ZFP91: variants seen among roughly 807,000 people sequenced by gnomAD.
ZFP91 encodes the protein ZFP91 zinc finger protein, atypical E3 ubiquitin ligase, also known as E3 ubiquitin-protein ligase ZFP91.
Under a neutral mutation model 63.5 loss-of-function variants are expected in ZFP91, and 7 were observed. That is an observed-to-expected ratio of 0.11 (90% CI 0.06 to 0.21). The LOEUF (loss-of-function observed/expected upper bound fraction) is 0.21. Among genes scored for constraint, ZFP91 ranks in the 10% least tolerant of loss-of-function variants. ZFP91 has a pLI of 1.00. For missense variants in ZFP91, 628 were observed against 736.6 expected, an observed-to-expected ratio of 0.85 and a Z score of 1.71; for synonymous variants, 330 against 272.1, an observed-to-expected ratio of 1.21 and a Z score of -2.10.
chr11:58,586,985 T>C (rs1855220984), intron 2 of ZFP91, among the ~76,000 whole-genome samples: 1 of 152,228 alleles, frequency 6.6e-6, no homozygotes, highest in South Asian at 2.1e-4. Flanking sequence ...TTGTATGCCT[T>C]CTTTGAGTTG....
chr11:58,579,697 C>T, intron 1 of ZFP91, 75 bp downstream of exon 1: 3 of 1,353,252 alleles, frequency 2.2e-6, no homozygotes, highest in South Asian at 1.5e-5. Context: ...CCCGTAGCGC[C>T]TACTCCACGT....
chr11:58,585,251 T>G (rs769426989), intron 2 of ZFP91, among the ~76,000 whole-genome samples: 7 of 152,300 alleles, frequency 4.6e-5, no homozygotes, highest in Admixed American at 1.3e-4. Flanking sequence ...TGCTGAGTGT[T>G]CTAAGAATTC....
rs777922722 is a variant in ZFP91, at chr11:58,606,971, C to T, written c.371-2859C>T. On this transcript the variant is annotated intron_variant, in intron 2 of 10. Transcript: ENST00000316059. ...TTTTTAAGACTAGATTTTTAGGGGA[C>T]GGGAGCAGTAGTATTCAATAAGATA... Among the ~76,000 whole-genome samples, 10 of 151,530 alleles carry T rather than the reference C, an allele frequency of 6.6e-5. No homozygotes were observed. In the South Asian group the frequency reaches 8.4e-4, roughly 13 times the overall value.
chr11:58,592,908 G>GC (rs1287649718), intron 2 of ZFP91, among the ~76,000 whole-genome samples: 2 of 152,124 alleles, frequency 1.3e-5, no homozygotes, highest in Non-Finnish European at 2.9e-5. Flanking sequence ...GGAAGCTTTC[G>GC]CTTGTGGTGG....
intron 2 of ZFP91, among the ~76,000 whole-genome samples, chr11:58,597,290 A>T (rs1231187472): frequency 2.0e-5 from 3 of 152,166 alleles, no homozygotes; most frequent in South Asian, 4.1e-4. Flanking sequence ...CAGTGGAGTT[A>T]GCCTATCCTT....
intron 2 of ZFP91, among the ~76,000 whole-genome samples, chr11:58,593,651 G>A (rs1290120893): frequency 2.0e-5 from 3 of 152,166 alleles, no homozygotes; most frequent in African/African-American, 7.2e-5. Flanking sequence ...TTTATGTGCT[G>A]ACAATTCCCA....
chr11:58,605,946 T>C (rs1855563295), intron 2 of ZFP91, among the ~76,000 whole-genome samples: 1 of 152,188 alleles, frequency 6.6e-6, no homozygotes, highest in Non-Finnish European at 1.5e-5. Flanking sequence ...ATATTCTTCA[T>C]ACTGGATCAT....
intron 2 of ZFP91, among the ~76,000 whole-genome samples, chr11:58,597,952 GCTCT>G (rs1855429598): frequency 6.6e-6 from 1 of 152,092 alleles, no homozygotes; most frequent in Non-Finnish European, 1.5e-5. Flanking sequence ...TTCAGGTATT[GCTCT>G]AAACATAGTG....
rs1855771560 is a variant in ZFP91 at position 58,617,644 on chromosome 11, T to G, written c.1651T>G (p.Ser551Ala). ...AGGCACTGAAGGGCTGGTTATGAAC[T>G]CAGATATACTCGGTGCTACCACAGA... Reference protein sequence around the residue: ...SGGTEGLVMNSDILGATTEVL... With the variant: ...SGGTEGLVMNADILGATTEVL... Residue 551 changes from serine (S) to alanine (A), a missense_variant, in exon 11 of 11, where the codon TCA becomes GCA. Physicochemically the swap from Ser to Ala is moderately conservative, Grantham distance 99. Coordinates refer to ENST00000316059, the MANE Select transcript of ZFP91 (RefSeq NM_053023.5). This position sits in a 1 kb window ranked among gnomAD's most constrained non-coding sequence, Gnocchi z 4.2. 1.9e-6 allele frequency: 3 copies of G among 1,562,022 alleles called. No individual in the cohort carries two copies. The highest frequency in any genetic ancestry group is 2.6e-6 in the Non-Finnish European group (3 of 1,155,660).
At position 58,617,068 on chromosome 11, in the gene ZFP91, T is replaced by G; in HGVS notation, c.1203-128T>G. On this transcript the variant is annotated intron_variant, in intron 10 of 10. Coordinates refer to ENST00000316059, the MANE Select transcript of ZFP91 (RefSeq NM_053023.5). This position sits in a 1 kb window ranked among gnomAD's most constrained non-coding sequence, Gnocchi z 4.2. Reference sequence around the variant, plus strand: ...CCTTCAAAAGAAGTATGTTACTGATTATTGTGTGTGTGTGTGTGTGTGTGT... The same window carrying G: ...CCTTCAAAAGAAGTATGTTACTGATGATTGTGTGTGTGTGTGTGTGTGTGT... 5.1e-6 allele frequency: 4 copies of G among 782,154 alleles called. No individual in the cohort carries two copies. Among genetic ancestry groups the G allele is most frequent in the Non-Finnish European group, 7.5e-6 (4 of 534,882 alleles). The allele number at this position is 782,154 out of a possible 1,614,324, so 48.5% of individuals were successfully genotyped here. A position where few individuals can be genotyped will look rare whatever the true frequency, so the allele number is the denominator to read the frequency against.
chr11:58,579,350 G>A lies in ZFP91; in HGVS notation c.69G>A (p.Lys23=), dbSNP rs1259429891. ...QQDQEGGEAA[K]AAPEEPQQRP... is the part of the protein sequence containing the mutation. Reference sequence around the variant, plus strand: ...ACCAGGAAGGGGGAGAGGCGGCCAAGGCGGCTCCGGAGGAGCCCCAACAAC... The same window carrying A: ...ACCAGGAAGGGGGAGAGGCGGCCAAAGCGGCTCCGGAGGAGCCCCAACAAC... Residue 23 remains lysine, a synonymous_variant, in exon 1 of 11, where the codon AAG becomes AAA. Coordinates refer to ENST00000316059, the MANE Select transcript of ZFP91 (RefSeq NM_053023.5). 7.4e-6 allele frequency: 11 copies of A among 1,495,018 alleles called. No individual in the cohort carries two copies. The highest frequency in any genetic ancestry group is 1.5e-5 in the African/African-American group (1 of 68,042). 92.6% of individuals were successfully genotyped at this position (1,495,018 alleles called of 1,614,324 possible).
At chr11:58,605,794 A>G (rs1347890103) in intron 2 of ZFP91, among the ~76,000 whole-genome samples, 1 of 152,080 alleles carries the variant, frequency 6.6e-6, no homozygotes, top group South Asian at 2.1e-4. Flanking sequence ...TGTACAGACT[A>G]TATTCCCCAA....
chr11:58,597,844 A>G (rs931129569), intron 2 of ZFP91, among the ~76,000 whole-genome samples: 16 of 152,138 alleles, frequency 1.1e-4, no homozygotes, highest in African/African-American at 3.4e-4. Context: ...AAGCAATTCA[A>G]CTTTTTCTTG....
intron 2 of ZFP91, among the ~76,000 whole-genome samples, chr11:58,607,324 T>G (rs1855584512): frequency 2.0e-5 from 3 of 152,236 alleles, no homozygotes; most frequent in Admixed American, 6.5e-5. Context: ...AAATATGATT[T>G]CTAAATCTAG....
rs1166894293 is a variant in ZFP91 at position 58,620,552 on chromosome 11, T to C, written c.*2846T>C. 6.6e-6 allele frequency: 1 copy of C among 152,642 alleles called. No individual in the cohort carries two copies. The highest frequency in any genetic ancestry group is 1.5e-5 in the Non-Finnish European group (1 of 68,050). 9.5% of individuals were successfully genotyped at this position (152,642 alleles called of 1,614,324 possible). ...GCGTAACTGAGACTCCTTGATATGC[T>C]TCAGAGAATTTAGGCAAACACTGGC... On this transcript the variant is annotated 3_prime_UTR_variant, in exon 11 of 11. Coordinates refer to ENST00000316059, the MANE Select transcript of ZFP91 (RefSeq NM_053023.5).
At chr11:58,590,718 CTGAG>C (rs1855289997) in intron 2 of ZFP91, among the ~76,000 whole-genome samples, 1 of 152,050 alleles carries the variant, frequency 6.6e-6, no homozygotes, top group Non-Finnish European at 1.5e-5. Context: ...CCATATATCC[CTGAG>C]TATTTCATAT....
chr11:58,619,300 GAA>G lies in ZFP91; in HGVS notation c.*1597_*1598del, dbSNP rs1855806840. 6.6e-6 allele frequency: 1 copy of G among 152,246 alleles called. No individual in the cohort carries two copies. Among genetic ancestry groups the G allele is most frequent in the Non-Finnish European group, 1.5e-5 (1 of 68,098 alleles). The allele number at this position is 152,246 out of a possible 1,614,324, so 9.4% of individuals were successfully genotyped here. A position where few individuals can be genotyped will look rare whatever the true frequency, so the allele number is the denominator to read the frequency against. ...ATTGCTTATTGCTGTTCACTGGAGAGAAAAGGTAGTGTTTTTGTACAAGGTCA... is the reference window on the plus strand; with the variant it reads ...ATTGCTTATTGCTGTTCACTGGAGAGAAGGTAGTGTTTTTGTACAAGGTCA... On this transcript the variant is annotated 3_prime_UTR_variant, in exon 11 of 11. Coordinates refer to ENST00000316059, the MANE Select transcript of ZFP91 (RefSeq NM_053023.5).
At chr11:58,616,638 T>C (rs1855752989) in intron 9 of ZFP91, 78 bp from the exon 10 acceptor site, 1 of 1,182,072 alleles carries the variant, frequency 8.5e-7, no homozygotes, top group Non-Finnish European at 1.2e-6. Context: ...GCCTGCCCCA[T>C]CATCTGCTTA....
At chr11:58,595,572 CTTTT>C (rs34767843) in intron 2 of ZFP91, among the ~76,000 whole-genome samples, 7 of 136,800 alleles carry the variant, frequency 5.1e-5, no homozygotes, top group Non-Finnish European at 7.9e-5. Context: ...TAGTATCAAT[CTTTT>C]TTTTTTTTTT....
Sources: allele counts gnomAD v4.1 joint callset (sites outside exome capture counted in the v4.1 genomes callset), GRCh38; gene constraint gnomAD v4.1.1; non-coding constraint Gnocchi (gnomAD v3.1); transcripts MANE v1.5; gene names NCBI Gene and HGNC (gene_info 2026-07-23, HGNC 2026-07-21).